The following INPP5D variants were observed in gnomAD, a reference collection of about 807,000 sequenced individuals.
The protein encoded by INPP5D is phosphatidylinositol 3,4,5-trisphosphate 5-phosphatase 1.
A neutral mutation model predicts 122.9 loss-of-function variants in INPP5D; 33 were observed. The ratio of observed to expected loss-of-function variants is 0.27; its 90% CI spans 0.20 to 0.36. INPP5D has a LOEUF of 0.36. Among genes scored for constraint, INPP5D ranks in the 10% least tolerant of loss-of-function variants. The probability of loss-of-function intolerance (pLI) is 1.00; values close to 1 mark genes in which losing one functional copy is unlikely to be tolerated. For synonymous variants in INPP5D, 584 were observed against 576.2 expected (o/e 1.01, Z -0.19); for missense variants, 1,053 against 1,412.7 (o/e 0.75, Z 4.08).
At chr2:233,121,815 C>G (rs570589669) in intron 2 of INPP5D, among the ~76,000 whole-genome samples, 1 of 152,066 alleles carries the variant, frequency 6.6e-6, no homozygotes, top group Non-Finnish European at 1.5e-5. Context: ...TGTGAGCCAC[C>G]GTGCCTGGCC....
Position 233,188,899 on chromosome 2 carries a change from T to C in INPP5D, c.2359-951T>C, listed in dbSNP as rs886811229. On this transcript the variant is annotated intron_variant, in intron 21 of 26. Coordinates refer to ENST00000445964, the MANE Select transcript of INPP5D (RefSeq NM_001017915.3). The surrounding 1 kb of genome is among the most constrained non-coding windows in gnomAD (Gnocchi z 4.7). ...GAATGGAGATATAGTGAGTCTGCCC[T>C]GTTGGCCAACATGGTGCCCAGAGCC... 6.6e-6 allele frequency among the ~76,000 whole-genome samples: 1 copy of C among 152,268 alleles called. No homozygotes were observed. Among genetic ancestry groups the C allele is most frequent in the Admixed American group, 6.5e-5 (1 of 15,302 alleles).
rs1258039972 is a variant in INPP5D, at chr2:233,170,944, G to C, written c.1901-120G>C. The C allele has an allele frequency of 7.5e-7, 1 of 1,329,374 alleles. No homozygotes were observed. Among genetic ancestry groups the C allele is most frequent in the African/African-American group, 1.5e-5 (1 of 66,438 alleles). 82.3% of individuals were successfully genotyped at this position (1,329,374 alleles called of 1,614,324 possible). A position where few individuals can be genotyped will look rare whatever the true frequency, so the allele number is the denominator to read the frequency against. ...AAAAAAGCAGCAGCCTCTCCTCTTG[G>C]AGCCTTTCCAGCCATCCTTTCGTCC... On this transcript the variant is annotated intron_variant, in intron 16 of 26. Coordinates refer to ENST00000445964, the MANE Select transcript of INPP5D (RefSeq NM_001017915.3). This position sits in a 1 kb window ranked among gnomAD's most constrained non-coding sequence, Gnocchi z 4.5.
At chr2:233,137,469 T>TA (rs1427420897) in intron 5 of INPP5D, among the ~76,000 whole-genome samples, 4 of 120,064 alleles carry the variant, frequency 3.3e-5, no homozygotes, top group Admixed American at 8.3e-5. Context: ...TTTTTTTTTT[T>TA]ATGAGATGGT....
intron 20 of INPP5D, among the ~76,000 whole-genome samples, chr2:233,184,793 G>C (rs1694868071): frequency 6.6e-6 from 1 of 152,132 alleles, no homozygotes; most frequent in African/African-American, 2.4e-5. Context: ...CCAATCCCTG[G>C]CCCTCAGGGT....
intron 18 of INPP5D, among the ~76,000 whole-genome samples, chr2:233,179,559 C>G (rs931057384): frequency 6.6e-6 from 1 of 152,200 alleles, no homozygotes; most frequent in Non-Finnish European, 1.5e-5. Context: ...CCTTTGCCCC[C>G]ACCTCCGGGC....
chr2:233,081,116 A>G (rs1012342528), intron 2 of INPP5D, among the ~76,000 whole-genome samples: 12 of 152,212 alleles, frequency 7.9e-5, no homozygotes, highest in Non-Finnish European at 1.5e-4. Flanking sequence ...AGTCACCAGG[A>G]GCAGATGTTG....
At chr2:233,158,496 A>G (rs1036871661) in intron 10 of INPP5D, 77 bp downstream of exon 10, 2 of 628,502 alleles carry the variant, frequency 3.2e-6, no homozygotes, top group African/African-American at 3.7e-5. Context: ...GCTGTGTGCC[A>G]GGGAGTGTAT....
chr2:233,193,524 A>G (rs180926282), intron 22 of INPP5D, among the ~76,000 whole-genome samples: 275 of 152,260 alleles, frequency 1.8e-3, no homozygotes, highest in African/African-American at 6.1e-3. Flanking sequence ...CTTATGCTGC[A>G]TCAAATCTTG....
intron 3 of INPP5D, among the ~76,000 whole-genome samples, chr2:233,124,243 G>A (rs969096231): frequency 3.3e-5 from 5 of 151,946 alleles, no homozygotes; most frequent in East Asian, 1.9e-4. Flanking sequence ...GGCTCTCCCC[G>A]AAGAGAGGAG....
At chr2:233,178,459 ATTAT>A (rs58617952) in intron 18 of INPP5D, among the ~76,000 whole-genome samples, 39,016 of 145,198 alleles carry the variant, frequency 0.27, 5,456 homozygotes, top group South Asian at 0.38. Flanking sequence ...GTGGTATTTT[ATTAT>A]TTATTTATTT....
intron 2 of INPP5D, among the ~76,000 whole-genome samples, chr2:233,087,114 C>T (rs1219299096): frequency 6.6e-6 from 1 of 152,130 alleles, no homozygotes; most frequent in Non-Finnish European, 1.5e-5. Flanking sequence ...CTTTGCCCTT[C>T]GAGATCAGCT....
intron 5 of INPP5D, among the ~76,000 whole-genome samples, chr2:233,135,192 C>CTTTTTTT (rs56018008): frequency 6.8e-6 from 1 of 146,902 alleles, no homozygotes; most frequent in Non-Finnish European, 1.5e-5. Context: ...ACTGAAACAT[C>CTTTTTTT]TTTTTTTTTT....
chr2:233,113,514 T>A (rs908299264), intron 2 of INPP5D, among the ~76,000 whole-genome samples: 7 of 152,020 alleles, frequency 4.6e-5, no homozygotes, highest in Non-Finnish European at 8.8e-5. Context: ...CATTTTGGAG[T>A]CCATTCAAAG....
chr2:233,170,055 G>A lies in INPP5D; in HGVS notation c.1682G>A (p.Arg561Gln). The A allele has an allele frequency of 3.1e-6, 5 of 1,613,996 alleles. No individual in the cohort carries two copies. The highest frequency in any genetic ancestry group is 3.4e-6 in the Non-Finnish European group (4 of 1,179,894). ...RRNQNYMNILRFLALGDKKLS... is the reference protein window; with the variant it reads ...RRNQNYMNILQFLALGDKKLS... ...AACCAAAACTATATGAACATTCTCCGGTTCCTGGCCCTGGGCGACAAGAAG... is the reference window on the plus strand; with the variant it reads ...AACCAAAACTATATGAACATTCTCCAGTTCCTGGCCCTGGGCGACAAGAAG... The change falls in exon 15 of 27, where the codon CGG becomes CAG. Residue 561 changes from arginine (R) to glutamine (Q), a missense_variant. Around this residue, in one of 6 missense-constraint regions of INPP5D, gnomAD observed 258 missense variants for 439.1 expected, o/e 0.59. Transcript: ENST00000445964. The surrounding 1 kb of genome is among the most constrained non-coding windows in gnomAD (Gnocchi z 4.5).
intron 25 of INPP5D, 90 bp downstream of exon 25, chr2:233,198,466 AG>A (rs1386229546): frequency 6.7e-7 from 1 of 1,485,872 alleles, no homozygotes; most frequent in East Asian, 2.4e-5. Flanking sequence ...AAGCCTCATA[AG>A]GGCCACAATT....
chr2:233,139,789 ACT>A (rs1693594489), intron 5 of INPP5D, 51 bp from the exon 6 acceptor site: 30 of 397,248 alleles, frequency 7.6e-5, no homozygotes, highest in Non-Finnish European at 6.2e-5. Context: ...GCCATGGAAG[ACT>A]CTTTCCGGTG....
chr2:233,124,097 T>G (rs753771439), intron 3 of INPP5D, among the ~76,000 whole-genome samples: 8 of 151,676 alleles, frequency 5.3e-5, no homozygotes, highest in Non-Finnish European at 1.0e-4. Context: ...CAGGTACCCC[T>G]GAACTTAAAA....
intron 2 of INPP5D, among the ~76,000 whole-genome samples, chr2:233,083,010 T>G (rs900960674): frequency 6.6e-6 from 1 of 152,150 alleles, no homozygotes; most frequent in Non-Finnish European, 1.5e-5. Flanking sequence ...GCCCTTCACA[T>G]GGTTATAGAT....
At chr2:233,148,634 G>GACGAAAGCATGAGAGTTGC (rs1693835739) in intron 9 of INPP5D, among the ~76,000 whole-genome samples, 1 of 151,864 alleles carries the variant, frequency 6.6e-6, no homozygotes, top group Non-Finnish European at 1.5e-5. Context: ...GGACCAGAGG[G>GACGAAAGCATGAGAGTTGC]CTGACGAAAG....
Sources: gnomAD v4.1 joint callset for allele counts (sites outside exome capture counted in the v4.1 genomes callset) on GRCh38, gnomAD v4.1.1 for gene constraint, gnomAD v4.1.1 regional missense constraint, Gnocchi (gnomAD v3.1) non-coding constraint, MANE v1.5 for transcripts, NCBI Gene and HGNC (gene_info 2026-07-23, HGNC 2026-07-21) for gene names.